Variants in CEP192 observed in about 807,000 individuals in gnomAD.
The protein encoded by CEP192 is centrosomal protein 192.
CEP192 carries 151 observed loss-of-function variants against 271.8 expected under a neutral mutation model. The ratio of observed to expected loss-of-function variants is 0.56; its 90% CI spans 0.49 to 0.64. The LOEUF (loss-of-function observed/expected upper bound fraction) is 0.64. Among genes scored for constraint, CEP192 ranks in the 30% least tolerant of loss-of-function variants. The pLI, the probability that CEP192 is intolerant of heterozygous loss-of-function variation, is 0.00. For synonymous variants in CEP192, 995 were observed against 1,076.5 expected, an observed-to-expected ratio of 0.92 and a Z score of 1.48; for missense variants, 2,910 against 3,020.5, an observed-to-expected ratio of 0.96 and a Z score of 0.86.
chr18:13,054,034 C>G (rs1427886217), intron 18 of CEP192, among the ~76,000 whole-genome samples: 4 of 152,082 alleles, frequency 2.6e-5, no homozygotes, highest in Admixed American at 2.6e-4. Flanking sequence ...TGCTATGTTG[C>G]CAGAGCTGGT....
At chr18:13,066,820 A>G (rs1447849360) in intron 21 of CEP192, among the ~76,000 whole-genome samples, 1 of 152,236 alleles carries the variant, frequency 6.6e-6, no homozygotes, top group Non-Finnish European at 1.5e-5. Context: ...TCTCTGGAAC[A>G]TATTAAAGCT....
At chr18:13,062,872 C>T (rs2037483801) in intron 21 of CEP192, among the ~76,000 whole-genome samples, 1 of 152,136 alleles carries the variant, frequency 6.6e-6, no homozygotes, top group Admixed American at 6.6e-5. Flanking sequence ...CCCACCTCAC[C>T]CCCAACCCCT....
rs2038079004 is a variant in CEP192 at position 13,072,797 on chromosome 18, T to G, written c.5391T>G (p.Thr1797=). 6.2e-7 allele frequency: 1 copy of G among 1,612,928 alleles called. No individual in the cohort carries two copies. Among genetic ancestry groups the G allele is most frequent in the African/African-American group, 1.3e-5 (1 of 74,928 alleles). Residue 1797 remains threonine (T), a synonymous_variant, in exon 29 of 45, where the codon ACT becomes ACG. Transcript: ENST00000506447. ...LALRNNSAST[T]QHLRLLIRGQ... is the part of the protein sequence containing the mutation. ...TAAGAAATAATTCTGCATCTACAAC[T>G]CAACATTTACGACTGCTTATTAGAG...
chr18:13,103,035 C>CT (rs1170394904), intron 38 of CEP192, among the ~76,000 whole-genome samples: 2 of 152,198 alleles, frequency 1.3e-5, no homozygotes, highest in South Asian at 4.1e-4. Flanking sequence ...TTCCTCCCTC[C>CT]TGCCACTCTG....
At chr18:12,998,786 T>C (rs2033422668) in intron 1 of CEP192, among the ~76,000 whole-genome samples, 1 of 152,232 alleles carries the variant, frequency 6.6e-6, no homozygotes, top group African/African-American at 2.4e-5. Context: ...TTGTTGAGAC[T>C]AGCTAACATC....
intron 17 of CEP192, among the ~76,000 whole-genome samples, chr18:13,050,143 C>G (rs183924948): frequency 8.5e-5 from 13 of 152,108 alleles, no homozygotes; most frequent in African/African-American, 2.7e-4. Flanking sequence ...ATGGATCTGT[C>G]ATGGTTCACT....
chr18:13,058,977 A>C lies in CEP192; in HGVS notation c.4258-105A>C, dbSNP rs1324976111. ...TTTTGAAGAGATAATAAATGTTTTA[A>C]TTTGGCAGTTTGAGTGATTGGGAAA... is the stretch of plus-strand genomic sequence containing the variant. On this transcript the variant is annotated intron_variant, in intron 20 of 44. Transcript: ENST00000506447. The C allele has an allele frequency of 9.5e-6, 7 of 739,716 alleles. No homozygotes were observed. In the East Asian group the frequency reaches 1.8e-4, roughly 19 times the overall value. The allele number at this position is 739,716 out of a possible 1,614,324, so 45.8% of individuals were successfully genotyped here.
At chr18:13,090,068 G>A (rs1017407496) in intron 33 of CEP192, among the ~76,000 whole-genome samples, 4 of 152,058 alleles carry the variant, frequency 2.6e-5, no homozygotes, top group African/African-American at 9.7e-5. Context: ...TAACCTAGAT[G>A]GTTAGCCCTG....
intron 17 of CEP192, 87 bp downstream of exon 17, chr18:13,049,978 CTG>C (rs2036690523): frequency 1.8e-6 from 2 of 1,112,774 alleles, no homozygotes; most frequent in Non-Finnish European, 2.6e-6. Context: ...GAAAAATTAT[CTG>C]TGCATTCGTC....
intron 18 of CEP192, among the ~76,000 whole-genome samples, chr18:13,053,738 G>A (rs372373388): frequency 3.9e-5 from 6 of 152,172 alleles, no homozygotes; most frequent in African/African-American, 1.4e-4. Context: ...CACCCAGGCT[G>A]GAGTATGGTG....
chr18:13,099,710 G>T (rs559409616), intron 37 of CEP192, 129 bp downstream of exon 37: 9 of 557,752 alleles, frequency 1.6e-5, no homozygotes, highest in East Asian at 1.2e-4. Context: ...ATATTTGTGG[G>T]TTCCACTTCC....
Position 13,116,511 on chromosome 18 carries a change from G to A in CEP192, c.7416+8G>A. 6.3e-7 allele frequency: 1 copy of A among 1,589,960 alleles called. No homozygotes were observed. Among genetic ancestry groups the A allele is most frequent in the Admixed American group, 1.8e-5 (1 of 54,686 alleles). Reference sequence around the variant, plus strand: ...TCTTTTATTACACACTCAGTAAGTTGGAAATATTACTATGGGTTTTGGAAA... The same window carrying A: ...TCTTTTATTACACACTCAGTAAGTTAGAAATATTACTATGGGTTTTGGAAA... On this transcript the variant is annotated splice_region_variant and intron_variant, in intron 43 of 44. Coordinates refer to ENST00000506447, the MANE Select transcript of CEP192 (RefSeq NM_032142.4).
chr18:13,010,608 T>A (rs566381907), intron 4 of CEP192, among the ~76,000 whole-genome samples: 8 of 152,102 alleles, frequency 5.3e-5, no homozygotes, highest in Admixed American at 2.0e-4. Flanking sequence ...GCACTTTGGG[T>A]GGCCAAGGCG....
At chr18:13,023,044 A>G (rs746398238) in intron 9 of CEP192, among the ~76,000 whole-genome samples, 4 of 152,178 alleles carry the variant, frequency 2.6e-5, no homozygotes, top group Admixed American at 6.5e-5. Flanking sequence ...GTATGCTGTC[A>G]TCTTTTATTA....
intron 39 of CEP192, chr18:13,103,800 C>T: frequency 1.6e-6 from 1 of 616,784 alleles, no homozygotes; most frequent in Non-Finnish European, 3.0e-6. Flanking sequence ...AAGCAATCCC[C>T]TGCCTTAGCC....
chr18:13,019,967 C>T (rs2034891735), intron 9 of CEP192, among the ~76,000 whole-genome samples: 3 of 151,996 alleles, frequency 2.0e-5, no homozygotes, highest in Admixed American at 2.0e-4. Flanking sequence ...CGCACATCAC[C>T]ACCTGGTTAA....
At chr18:13,002,697 A>G (rs530225554) in intron 3 of CEP192, among the ~76,000 whole-genome samples, 1 of 152,328 alleles carries the variant, frequency 6.6e-6, no homozygotes, top group African/African-American at 2.4e-5. Flanking sequence ...AATAATTTAT[A>G]TAATACATAT....
At chr18:13,005,705 C>T (rs2033939964) in intron 3 of CEP192, among the ~76,000 whole-genome samples, 2 of 152,308 alleles carry the variant, frequency 1.3e-5, no homozygotes, top group East Asian at 1.9e-4. Flanking sequence ...CTTCCTTGGA[C>T]ACTATACTGG....
chr18:13,120,253 AG>A (rs1396438667), intron 44 of CEP192, among the ~76,000 whole-genome samples: 2 of 151,904 alleles, frequency 1.3e-5, no homozygotes, highest in Admixed American at 1.3e-4. Flanking sequence ...GATTTTTGAA[AG>A]ATGCCTAAAA....
Sources: allele counts gnomAD v4.1 joint callset (sites outside exome capture counted in the v4.1 genomes callset), GRCh38; gene constraint gnomAD v4.1.1; transcripts MANE v1.5; gene names NCBI Gene and HGNC (gene_info 2026-07-23, HGNC 2026-07-21).